MACROD2: variants seen among roughly 807,000 people sequenced by gnomAD.
MACROD2 encodes the protein ADP-ribose glycohydrolase MACROD2.
A neutral mutation model predicts 70.4 loss-of-function variants in MACROD2; 36 were observed. That is an observed-to-expected ratio of 0.51 (90% confidence interval 0.39 to 0.68). The LOEUF (loss-of-function observed/expected upper bound fraction) is 0.68, where lower values mean the gene tolerates loss of function less well. MACROD2 is among the 30% of genes least tolerant of loss of function. The pLI is 0.00. For missense variants in MACROD2, 496 were observed against 538.4 expected, an observed-to-expected ratio of 0.92 and a Z score of 0.78; for synonymous variants, 172 against 178.8, an observed-to-expected ratio of 0.96 and a Z score of 0.30.
intron 2 of MACROD2, among the ~76,000 whole-genome samples, chr20:14,031,253 T>A (rs886841638): frequency 5.9e-5 from 9 of 152,206 alleles, no homozygotes; most frequent in African/African-American, 2.2e-4. Context: ...CTCTCTAGAT[T>A]TCTCTGGTTT....
chr20:15,075,865 A>T (rs910781250), intron 5 of MACROD2, among the ~76,000 whole-genome samples: 2 of 152,160 alleles, frequency 1.3e-5, no homozygotes, highest in African/African-American at 4.8e-5. Context: ...GCTGAAGGAT[A>T]AAGGGTGGGG....
intron 5 of MACROD2, among the ~76,000 whole-genome samples, chr20:14,723,502 T>A (rs2071493615): frequency 1.3e-5 from 2 of 151,164 alleles, no homozygotes; most frequent in African/African-American, 2.4e-5. Flanking sequence ...GTATTTTTTT[T>A]ATCCCTCGGA....
intron 3 of MACROD2, among the ~76,000 whole-genome samples, chr20:14,383,367 A>G (rs1309501554): frequency 6.6e-6 from 1 of 152,098 alleles, no homozygotes; most frequent in Non-Finnish European, 1.5e-5. Context: ...GTAAACAAAC[A>G]AACAAAAACT....
chr20:15,924,287 C>T (rs1237387807), intron 10 of MACROD2, among the ~76,000 whole-genome samples: 1 of 152,156 alleles, frequency 6.6e-6, no homozygotes, highest in Non-Finnish European at 1.5e-5. Context: ...TTGAATTATA[C>T]CTTGGAGAGA....
chr20:15,857,831 A>G (rs1025741342), intron 8 of MACROD2, among the ~76,000 whole-genome samples: 1 of 152,170 alleles, frequency 6.6e-6, no homozygotes. Flanking sequence ...AGGAGAGATG[A>G]TGGCTTGTCC....
At position 15,972,530 on chromosome 20, in the gene MACROD2, C is replaced by T. The variant is rs2066246602; in HGVS notation, c.985+4900C>T. Among the ~76,000 whole-genome samples, 7 of 152,128 alleles carry T rather than the reference C, an allele frequency of 4.6e-5. 1 individual carries two copies. On this transcript the variant is annotated intron_variant, in intron 13 of 17. Coordinates refer to ENST00000684519, the MANE Select transcript of MACROD2 (RefSeq NM_001351661.2). ...AAGACAAAGATAAAGATAAATCAGG[C>T]CAGGCACAGTGGCTTACGCCAGTAA...
intron 6 of MACROD2, among the ~76,000 whole-genome samples, chr20:15,261,012 A>G (rs1027133463): frequency 3.3e-5 from 5 of 152,006 alleles, no homozygotes; most frequent in African/African-American, 4.8e-5. Context: ...GTGGTAAAAT[A>G]TGACCATAGA....
chr20:15,857,549 C>A (rs1233398949), intron 8 of MACROD2, among the ~76,000 whole-genome samples: 2 of 152,204 alleles, frequency 1.3e-5, no homozygotes, highest in Admixed American at 1.3e-4. Context: ...AGCTGCTACT[C>A]CACACCCATG....
intron 4 of MACROD2, among the ~76,000 whole-genome samples, chr20:14,672,782 T>G (rs1170006035): frequency 6.6e-6 from 1 of 152,226 alleles, no homozygotes; most frequent in African/African-American, 2.4e-5. Context: ...TGTTCTTGAT[T>G]GTATAGTTCT....
chr20:14,460,961 C>T (rs13039660), intron 3 of MACROD2, among the ~76,000 whole-genome samples: 22,359 of 148,386 alleles, frequency 0.15, 2,272 homozygotes, highest in Non-Finnish European at 0.22. Flanking sequence ...GGATTCCCCC[C>T]TTTTTTTTTT....
At chr20:14,465,203 A>G (rs1350692389) in intron 3 of MACROD2, among the ~76,000 whole-genome samples, 1 of 152,048 alleles carries the variant, frequency 6.6e-6, no homozygotes, top group Admixed American at 6.6e-5. Flanking sequence ...GACTTGCTTT[A>G]TGAATCTGGG....
chr20:14,273,649 C>A (rs1315040622), intron 3 of MACROD2, among the ~76,000 whole-genome samples: 5 of 149,988 alleles, frequency 3.3e-5, no homozygotes, highest in Non-Finnish European at 7.4e-5. Context: ...AAAATCAGAG[C>A]AGAACTGAAG....
intron 8 of MACROD2, among the ~76,000 whole-genome samples, chr20:15,703,295 A>G (rs962898356): frequency 6.6e-6 from 1 of 152,128 alleles, no homozygotes; most frequent in Admixed American, 6.5e-5. Context: ...TCCACCTGAC[A>G]TTTCCCACAG....
intron 5 of MACROD2, among the ~76,000 whole-genome samples, chr20:14,956,956 C>T (rs753640786): frequency 1.6e-4 from 24 of 152,130 alleles, no homozygotes; most frequent in Non-Finnish European, 3.1e-4. Flanking sequence ...TATTTCCTGC[C>T]TGCACCATTA....
intron 8 of MACROD2, among the ~76,000 whole-genome samples, chr20:15,606,019 A>G (rs1403742067): frequency 6.6e-6 from 1 of 152,088 alleles, no homozygotes; most frequent in East Asian, 1.9e-4. Flanking sequence ...ATACTTGTCA[A>G]CCTGTCTCTC....
At chr20:14,159,791 G>C (rs1464319377) in intron 3 of MACROD2, among the ~76,000 whole-genome samples, 2 of 152,114 alleles carry the variant, frequency 1.3e-5, no homozygotes, top group African/African-American at 4.8e-5. Flanking sequence ...GGACATCCTT[G>C]TCTTGTTCTA....
At chr20:14,797,516 T>G (rs2072524188) in intron 5 of MACROD2, among the ~76,000 whole-genome samples, 1 of 152,032 alleles carries the variant, frequency 6.6e-6, no homozygotes, top group South Asian at 2.1e-4. Flanking sequence ...TTGTGCCTGC[T>G]GTCCCATCTG....
At chr20:14,161,773 T>C (rs2055194025) in intron 3 of MACROD2, among the ~76,000 whole-genome samples, 1 of 151,814 alleles carries the variant, frequency 6.6e-6, no homozygotes, top group South Asian at 2.1e-4. Flanking sequence ...TTTCTTTCTT[T>C]TTAGTAGAGA....
At chr20:15,571,899 G>GT (rs1356742374) in intron 8 of MACROD2, among the ~76,000 whole-genome samples, 3 of 152,058 alleles carry the variant, frequency 2.0e-5, no homozygotes, top group Non-Finnish European at 2.9e-5. Context: ...TTTAAAAAGT[G>GT]TTTAACACTA....
Sources: allele counts gnomAD v4.1 joint callset (sites outside exome capture counted in the v4.1 genomes callset), GRCh38; gene constraint gnomAD v4.1.1; transcripts MANE v1.5; gene names NCBI Gene and HGNC (gene_info 2026-07-23, HGNC 2026-07-21).